MBP: variants seen among roughly 807,000 people sequenced by gnomAD.
MBP encodes the protein myelin basic protein, also known as Golli-MBP.
MBP carries 16 observed loss-of-function variants against 35.8 expected under a neutral mutation model. The observed-to-expected ratio is 0.45, with a 90% CI of 0.30 to 0.68. The LOEUF is 0.68. Ranked by LOEUF, MBP falls within the 30% of genes least tolerant of loss-of-function variation. The pLI, the probability that MBP is intolerant of heterozygous loss-of-function variation, is 0.08. For synonymous variants in MBP, 143 were observed against 159.6 expected (o/e 0.90, Z 0.78); for missense variants, 380 against 404.7 (o/e 0.94, Z 0.52).
chr18:77,062,554 C>T (rs1974024816), intron 3 of MBP, among the ~76,000 whole-genome samples: 1 of 151,556 alleles, frequency 6.6e-6, no homozygotes. Flanking sequence ...AAAGTGTGCT[C>T]TAACGAGTTA....
intron 4 of MBP, chr18:77,006,253 G>A (rs1031391898): frequency 6.6e-5 from 10 of 152,444 alleles, no homozygotes; most frequent in Admixed American, 5.9e-4. Context: ...CTGTGAGAAA[G>A]AGGCAGAAAG....
chr18:77,005,933 T>A (rs1292454863), intron 4 of MBP: 2 of 152,198 alleles, frequency 1.3e-5, no homozygotes, highest in Non-Finnish European at 2.9e-5. Context: ...AGCACAACGT[T>A]CCAAAGCATC....
At chr18:77,050,567 G>A (rs888859516) in intron 3 of MBP, among the ~76,000 whole-genome samples, 2 of 152,134 alleles carry the variant, frequency 1.3e-5, no homozygotes, top group Non-Finnish European at 2.9e-5. Context: ...TTATTTTTGA[G>A]ACGGAGTCTT....
chr18:77,128,093 C>T (rs1977115950), intron 1 of MBP: 1 of 152,238 alleles, frequency 6.6e-6, no homozygotes. Flanking sequence ...AGAATGTTCA[C>T]AGCAGCTCTA....
intron 1 of MBP, chr18:77,114,753 A>C (rs1377752360): frequency 6.6e-6 from 1 of 152,262 alleles, no homozygotes. Context: ...CTTCGCAGTC[A>C]TGTGGGGCTT....
intron 4 of MBP, 95 bp from the exon 5 acceptor site, chr18:76,990,155 G>T: frequency 8.3e-6 from 6 of 720,440 alleles, no homozygotes; most frequent in Admixed American, 3.0e-5. Flanking sequence ...TTTGTAATCT[G>T]GATTTTTTTT....
chr18:77,081,379 G>A (rs1674716), intron 2 of MBP, among the ~76,000 whole-genome samples: 2,240 of 152,230 alleles, frequency 0.015, 63 homozygotes, highest in African/African-American at 0.05. Flanking sequence ...ACCCAAGTTC[G>A]AAAGATGGGG....
intron 3 of MBP, among the ~76,000 whole-genome samples, chr18:77,065,115 T>C (rs1974141005): frequency 6.6e-6 from 1 of 152,234 alleles, no homozygotes; most frequent in African/African-American, 2.4e-5. Flanking sequence ...GAAACAAAGA[T>C]GAATGCTAAG....
chr18:77,009,079 C>T (rs745418975), intron 4 of MBP, among the ~76,000 whole-genome samples: 37 of 152,320 alleles, frequency 2.4e-4, no homozygotes, highest in Middle Eastern at 6.8e-3. Context: ...ACGGTGCAGA[C>T]GGTGGTGGCC....
intron 2 of MBP, among the ~76,000 whole-genome samples, chr18:77,096,243 G>C (rs139490914): frequency 6.4e-4 from 97 of 152,340 alleles, no homozygotes; most frequent in African/African-American, 2.0e-3. Context: ...GATGGAAAGA[G>C]CTGAATTGCT....
At chr18:77,013,900 C>G (rs1264087979) in intron 4 of MBP, 3 of 985,434 alleles carry the variant, frequency 3.0e-6, no homozygotes, top group African/African-American at 1.7e-5. Flanking sequence ...TTTCCAGGCT[C>G]TGCCTCGTGA....
intron 3 of MBP, among the ~76,000 whole-genome samples, chr18:77,054,273 G>A (rs943721651): frequency 4.6e-5 from 7 of 152,230 alleles, no homozygotes; most frequent in South Asian, 2.1e-4. Context: ...GCCCACCTGC[G>A]CTGACACAGC....
At chr18:76,993,929 C>T (rs1301820887) in intron 4 of MBP, among the ~76,000 whole-genome samples, 4 of 152,346 alleles carry the variant, frequency 2.6e-5, no homozygotes, top group Admixed American at 2.6e-4. Flanking sequence ...CCTGATTCTT[C>T]ATATTCCAAC....
chr18:77,028,614 G>T (rs1427588760), intron 3 of MBP, among the ~76,000 whole-genome samples: 3 of 78,572 alleles, frequency 3.8e-5, no homozygotes, highest in African/African-American at 7.3e-5. Flanking sequence ...CTGGCCGGGC[G>T]GGGGGCTGAC....
chr18:77,122,940 C>T (rs1193721552), intron 1 of MBP, among the ~76,000 whole-genome samples: 1 of 152,216 alleles, frequency 6.6e-6, no homozygotes, highest in South Asian at 2.1e-4. Context: ...TTTAGAAAGC[C>T]AGCAGCATTT....
chr18:77,052,696 C>T (rs937628695), intron 3 of MBP, among the ~76,000 whole-genome samples: 4 of 152,174 alleles, frequency 2.6e-5, no homozygotes, highest in African/African-American at 9.7e-5. Flanking sequence ...GTCCCCCACC[C>T]ATCCACACGC....
chr18:77,090,332 C>T (rs1383735057), intron 2 of MBP, among the ~76,000 whole-genome samples: 1 of 152,232 alleles, frequency 6.6e-6, no homozygotes, highest in Non-Finnish European at 1.5e-5. Flanking sequence ...TTTGCCTCAG[C>T]CGACAACGTG....
At chr18:76,993,607 C>T (rs1009916394) in intron 4 of MBP, among the ~76,000 whole-genome samples, 2 of 150,968 alleles carry the variant, frequency 1.3e-5, no homozygotes, top group Admixed American at 1.3e-4. Context: ...TCTTAGTAAT[C>T]AGCAACTCCA....
intron 4 of MBP, chr18:77,014,115 T>C: frequency 4.1e-6 from 4 of 985,492 alleles, no homozygotes; most frequent in Non-Finnish European, 4.8e-6. Context: ...CAAAGGAGCA[T>C]GTTCTCCGTG....
Sources: gnomAD v4.1 joint callset for allele counts (sites outside exome capture counted in the v4.1 genomes callset) on GRCh38, gnomAD v4.1.1 for gene constraint, MANE v1.5 for transcripts, NCBI Gene and HGNC (gene_info 2026-07-23, HGNC 2026-07-21) for gene names.